The following ZFYVE28 variants were observed in gnomAD, a reference collection of about 807,000 sequenced individuals.
The protein encoded by ZFYVE28 is zinc finger FYVE-type containing 28, also known as lateral signaling target protein 2 homolog.
Under a neutral mutation model 82.1 loss-of-function variants are expected in ZFYVE28, and 40 were observed. The observed-to-expected ratio is 0.49, with a 90% CI of 0.38 to 0.63. The LOEUF (loss-of-function observed/expected upper bound fraction) is 0.63. ZFYVE28 is among the 30% of genes least tolerant of loss of function. The pLI is 0.00. For synonymous variants in ZFYVE28, 612 were observed against 546.1 expected, an observed-to-expected ratio of 1.12 and a Z score of -1.68; for missense variants, 1,321 against 1,242.1, an observed-to-expected ratio of 1.06 and a Z score of -0.96.
chr4:2,325,592 C>CTTTTTTTTTTTTTTTT (rs58460729), intron 6 of ZFYVE28, among the ~76,000 whole-genome samples: 1 of 122,228 alleles, frequency 8.2e-6, no homozygotes, highest in African/African-American at 3.1e-5. Context: ...TTAAATCTTA[C>CTTTTTTTTTTTTTTTT]TTTTTTTTTT....
chr4:2,372,130 T>A lies in ZFYVE28; in HGVS notation c.40-18057A>T, dbSNP rs1406508554. 6.6e-6 allele frequency among the ~76,000 whole-genome samples: 1 copy of A among 152,176 alleles called. No individual in the cohort carries two copies. The highest frequency in any genetic ancestry group is 1.5e-5 in the Non-Finnish European group (1 of 68,014). On this transcript the variant is annotated intron_variant, in intron 1 of 12. Transcript: ENST00000290974. This position sits in a 1 kb window ranked among gnomAD's most constrained non-coding sequence, Gnocchi z 5.2. Reference sequence around the variant, plus strand: ...GGCCCATGTGGACATCTGTCAGAACTGGGGAGCGGGGAGGAGGGCAAATGT... The same window carrying A: ...GGCCCATGTGGACATCTGTCAGAACAGGGGAGCGGGGAGGAGGGCAAATGT...
At chr4:2,347,047 A>T (rs1162194758) in intron 2 of ZFYVE28, among the ~76,000 whole-genome samples, 1 of 152,216 alleles carries the variant, frequency 6.6e-6, no homozygotes, top group Non-Finnish European at 1.5e-5. Flanking sequence ...CCCACTTTAC[A>T]CATAAAGACA....
chr4:2,395,240 G>C (rs1463871858), intron 1 of ZFYVE28, among the ~76,000 whole-genome samples: 1 of 152,212 alleles, frequency 6.6e-6, no homozygotes. Flanking sequence ...CCTCAGGAAG[G>C]CACTGAACTC....
intron 7 of ZFYVE28, among the ~76,000 whole-genome samples, 187 bp downstream of exon 7, chr4:2,319,983 G>A (rs561990363): frequency 6.6e-6 from 1 of 152,292 alleles, no homozygotes; most frequent in Non-Finnish European, 1.5e-5. Flanking sequence ...CCCAGGCAGG[G>A]GCAAAAGCCA....
At chr4:2,318,414 C>T (rs575559804) in intron 7 of ZFYVE28, among the ~76,000 whole-genome samples, 16 of 152,232 alleles carry the variant, frequency 1.1e-4, no homozygotes, top group African/African-American at 2.9e-4. Context: ...AAAAATTAGC[C>T]GGGCATGGTG....
In ZFYVE28 at chr4:2,270,645, A is replaced by C; in HGVS notation, c.*80T>G. On this transcript the variant is annotated 3_prime_UTR_variant, in exon 13 of 13. Transcript: ENST00000290974. ...CAGCGGCAGCGGCCTCATGAGACGC[A>C]GTGAGACCTGCCTGCAGCGTGGCCC... 1.3e-6 allele frequency: 2 copies of C among 1,589,464 alleles called. No homozygotes were observed. Among genetic ancestry groups the C allele is most frequent in the Non-Finnish European group, 1.7e-6 (2 of 1,166,710 alleles).
At chr4:2,364,742 T>C in intron 1 of ZFYVE28, 1 of 985,512 alleles carries the variant, frequency 1.0e-6, no homozygotes, top group Non-Finnish European at 1.2e-6. Flanking sequence ...GTGATGAGCA[T>C]AACGTTGTGC....
Position 2,304,669 on chromosome 4 carries a change from G to A in ZFYVE28, c.1671C>T (p.Thr557=). 1 of 1,612,632 alleles carries A rather than the reference G, an allele frequency of 6.2e-7. No individual in the cohort carries two copies. The highest frequency in any genetic ancestry group is 1.1e-5 in the South Asian group (1 of 91,070). The change falls in exon 8 of 13, where the codon ACC becomes ACT. Residue 557 remains threonine, a synonymous_variant. Coordinates refer to ENST00000290974, the MANE Select transcript of ZFYVE28 (RefSeq NM_020972.3). ...ACACGCAGGAATGCAGAAGGCAGTT[G>A]GTGGCCCCAGTGCTAAGCTTGTGGG... is the stretch of plus-strand genomic sequence containing the variant. ...GGPHKLSTGA[T]NCLLHSCVCC...
rs538436733 is a variant in ZFYVE28 at position 2,408,568 on chromosome 4, C to T, written c.39+9717G>A. Among the ~76,000 whole-genome samples, 25 of 152,336 alleles carry T rather than the reference C, an allele frequency of 1.6e-4. No individual in the cohort carries two copies. In the South Asian group the frequency reaches 5.0e-3, roughly 30 times the overall value. On this transcript the variant is annotated intron_variant, in intron 1 of 12. Coordinates refer to ENST00000290974, the MANE Select transcript of ZFYVE28 (RefSeq NM_020972.3). The surrounding 1 kb of genome is among the most constrained non-coding windows in gnomAD (Gnocchi z 4.3). ...GCTGGCTGACCCTTCCCAACTGAAG[C>T]TCCGCCCAGTTGGGCCCCGCCCAGG...
intron 7 of ZFYVE28, among the ~76,000 whole-genome samples, chr4:2,306,167 G>A (rs930226099): frequency 6.6e-6 from 1 of 152,280 alleles, no homozygotes; most frequent in Admixed American, 6.5e-5. Flanking sequence ...GAAGCATTGA[G>A]GCCGAGACCC....
At chr4:2,351,114 G>C (rs1298635165) in intron 2 of ZFYVE28, among the ~76,000 whole-genome samples, 4 of 152,140 alleles carry the variant, frequency 2.6e-5, no homozygotes, top group African/African-American at 9.7e-5. Flanking sequence ...GCATCTGAAT[G>C]GGGGGCCGTC....
At chr4:2,404,310 A>AG (rs1731554480) in intron 1 of ZFYVE28, among the ~76,000 whole-genome samples, 1 of 40,236 alleles carries the variant, frequency 2.5e-5, no homozygotes, top group African/African-American at 5.2e-5. Context: ...ACTCCGCCTC[A>AG]AAAAAAAAAA....
chr4:2,330,667 G>GAGAGGACAGCATGGCCA, intron 6 of ZFYVE28: 3 of 1,427,270 alleles, frequency 2.1e-6, no homozygotes, highest in Non-Finnish European at 2.7e-6. Flanking sequence ...CAGCACCATG[G>GAGAGGACAGCATGGCCA]AGAGGACAGC....
chr4:2,271,021 T>G, intron 12 of ZFYVE28, 165 bp from the exon 13 acceptor site: 1 of 1,041,790 alleles, frequency 9.6e-7, no homozygotes, highest in Non-Finnish European at 1.4e-6. Context: ...CTGGACTCTA[T>G]GAGGGGTCCA....
chr4:2,396,681 C>T (rs1368186421), intron 1 of ZFYVE28, among the ~76,000 whole-genome samples: 1 of 17,528 alleles, frequency 5.7e-5, no homozygotes, highest in East Asian at 1.4e-3. Flanking sequence ...GGCCACAAGG[C>T]GGGGTGTCTG....
intron 1 of ZFYVE28, among the ~76,000 whole-genome samples, chr4:2,379,516 A>G (rs1728504001): frequency 6.6e-6 from 1 of 152,154 alleles, no homozygotes; most frequent in Non-Finnish European, 1.5e-5. Context: ...TTTAGCAACA[A>G]AATTGGCCCA....
Position 2,327,267 on chromosome 4 carries a change from T to C in ZFYVE28, c.702-6996A>G, listed in dbSNP as rs1204565032. Among the ~76,000 whole-genome samples the C allele has an allele frequency of 2.2e-4, 4 of 17,950 alleles. No homozygotes were observed. In the South Asian group the frequency reaches 8.1e-3, roughly 36 times the overall value. The allele number at this position is 17,950 out of a possible 152,430, so 11.8% of individuals were successfully genotyped here. On this transcript the variant is annotated intron_variant, in intron 6 of 12. Coordinates refer to ENST00000290974, the MANE Select transcript of ZFYVE28 (RefSeq NM_020972.3). ...TCCATCTCAAATATATATATATATA[T>C]ATATATATATATATATATATATATA...
In ZFYVE28 at chr4:2,398,729, G is replaced by A. The variant is rs149108009; in HGVS notation, c.39+19556C>T. On this transcript the variant is annotated intron_variant, in intron 1 of 12. Coordinates refer to ENST00000290974, the MANE Select transcript of ZFYVE28 (RefSeq NM_020972.3). Reference sequence around the variant, plus strand: ...CCAGGGCACAAGCGGGGGCAAGATCGAGGGCACAAGGGGGGTATGAGATCC... The same window carrying A: ...CCAGGGCACAAGCGGGGGCAAGATCAAGGGCACAAGGGGGGTATGAGATCC... Among the ~76,000 whole-genome samples the A allele has an allele frequency of 8.8e-4, 4 of 4,560 alleles. 1 individual carries two copies. Among genetic ancestry groups the A allele is most frequent in the Non-Finnish European group, 1.2e-3 (3 of 2,526 alleles). 3.0% of individuals were successfully genotyped at this position (4,560 alleles called of 152,430 possible).
intron 1 of ZFYVE28, among the ~76,000 whole-genome samples, chr4:2,370,207 T>G (rs1727385614): frequency 6.6e-6 from 1 of 152,076 alleles, no homozygotes; most frequent in Non-Finnish European, 1.5e-5. Context: ...CCATACAGAA[T>G]GAAGATGCCC....
Sources: allele counts gnomAD v4.1 joint callset (sites outside exome capture counted in the v4.1 genomes callset), GRCh38; gene constraint gnomAD v4.1.1; non-coding constraint Gnocchi (gnomAD v3.1); transcripts MANE v1.5; gene names NCBI Gene and HGNC (gene_info 2026-07-23, HGNC 2026-07-21).